The following PARP8 variants were observed in gnomAD, a reference collection of about 807,000 sequenced individuals.
The protein encoded by PARP8 is poly(ADP-ribose) polymerase family member 8.
PARP8 carries 51 observed loss-of-function variants against 124.1 expected under a neutral mutation model. That is an observed-to-expected ratio of 0.41 (90% CI 0.33 to 0.52). The LOEUF (loss-of-function observed/expected upper bound fraction) is 0.52. Among genes scored for constraint, PARP8 ranks in the 20% least tolerant of loss-of-function variants. PARP8 has a pLI of 0.21. For synonymous variants in PARP8, 391 were observed against 361.5 expected, an observed-to-expected ratio of 1.08 and a Z score of -0.93; for missense variants, 860 against 1,018.9, an observed-to-expected ratio of 0.84 and a Z score of 2.12.
chr5:50,757,601 A>G (rs1381855959), intron 3 of PARP8, among the ~76,000 whole-genome samples: 10 of 152,296 alleles, frequency 6.6e-5, no homozygotes, highest in Admixed American at 2.6e-4. Context: ...CAAACTATAC[A>G]AAATCTTTCA....
At chr5:50,778,732 C>T (rs532322690) in intron 9 of PARP8, 82 bp downstream of exon 9, 1 of 793,238 alleles carries the variant, frequency 1.3e-6, no homozygotes, top group Non-Finnish European at 1.9e-6. Context: ...GTTCATTTGT[C>T]AGTTCTGAGC....
intron 2 of PARP8, among the ~76,000 whole-genome samples, chr5:50,703,473 AG>A (rs1430941126): frequency 6.6e-6 from 1 of 152,046 alleles, no homozygotes; most frequent in Non-Finnish European, 1.5e-5. Context: ...AGGTCTCCTT[AG>A]GGGGGTTTGA....
chr5:50,757,597 A>G (rs1760105195), intron 3 of PARP8, among the ~76,000 whole-genome samples: 1 of 152,170 alleles, frequency 6.6e-6, no homozygotes, highest in Admixed American at 6.6e-5. Flanking sequence ...AATACAAACT[A>G]TACAAAATCT....
intron 14 of PARP8, among the ~76,000 whole-genome samples, chr5:50,814,272 T>G (rs1247908796): frequency 3.3e-5 from 5 of 152,000 alleles, no homozygotes; most frequent in East Asian, 1.9e-4. Context: ...GTAAAGCATA[T>G]AAACATATAG....
At chr5:50,796,948 A>C (rs906417066) in intron 12 of PARP8, 34 bp from the exon 13 acceptor site, 3 of 1,571,968 alleles carry the variant, frequency 1.9e-6, no homozygotes, top group Admixed American at 1.8e-5. Context: ...ACATTTAAAA[A>C]AATTATCATT....
At chr5:50,832,919 A>C in intron 23 of PARP8, 65 bp downstream of exon 23, 9 of 1,452,518 alleles carry the variant, frequency 6.2e-6, no homozygotes, top group Admixed American at 1.8e-5. Context: ...CCAGCAGAGC[A>C]TGGAAAAATA....
At chr5:50,667,824 T>G (rs6869356) in intron 1 of PARP8, 1,054,975 of 1,179,228 alleles carry the variant, frequency 0.89, 472,654 homozygotes, top group East Asian at 1. Flanking sequence ...CGGCCTCCCC[T>G]ATCGGGAAAT....
intron 25 of PARP8, 102 bp downstream of exon 25, chr5:50,835,117 G>T: frequency 1.2e-6 from 1 of 850,828 alleles, no homozygotes; most frequent in South Asian, 1.6e-5. Context: ...AAATATAACA[G>T]GTAATTGAGT....
At chr5:50,750,819 A>G (rs1044688368) in intron 3 of PARP8, among the ~76,000 whole-genome samples, 7 of 152,184 alleles carry the variant, frequency 4.6e-5, no homozygotes, top group Admixed American at 4.6e-4. Context: ...ACAGTTATAC[A>G]ATGAAGTTAT....
chr5:50,744,269 A>G (rs1758324016), intron 2 of PARP8, among the ~76,000 whole-genome samples: 3 of 152,222 alleles, frequency 2.0e-5, no homozygotes, highest in East Asian at 3.8e-4. Flanking sequence ...ACCAGACTCT[A>G]TCTGTTCTTA....
chr5:50,793,016 G>A (rs3806887), intron 10 of PARP8, among the ~76,000 whole-genome samples: 31,118 of 151,924 alleles, frequency 0.2, 3,366 homozygotes, highest in South Asian at 0.34. Context: ...ACCCATATTT[G>A]ATAATATACG....
chr5:50,777,553 A>G (rs1455910373), intron 7 of PARP8, among the ~76,000 whole-genome samples: 1 of 150,930 alleles, frequency 6.6e-6, no homozygotes, highest in African/African-American at 2.4e-5. Flanking sequence ...TTTTTTTTTA[A>G]TATCAGACTT....
rs947886827 is a variant in PARP8 at position 50,843,601 on chromosome 5, A to T, written c.*1533A>T. On this transcript the variant is annotated 3_prime_UTR_variant, in exon 26 of 26. Transcript: ENST00000281631. ...AGTGGTTGGGATATTAATCATTTTG[A>T]TAGTATCTACTTAAAGCATTGATCT... The T allele has an allele frequency of 1.3e-5, 2 of 151,746 alleles. No homozygotes were observed. The highest frequency in any genetic ancestry group is 4.8e-5 in the African/African-American group (2 of 41,378). The allele number at this position is 151,746 out of a possible 1,614,324, so 9.4% of individuals were successfully genotyped here.
intron 2 of PARP8, among the ~76,000 whole-genome samples, chr5:50,693,065 G>T (rs1752664188): frequency 6.6e-6 from 1 of 152,126 alleles, no homozygotes; most frequent in African/African-American, 2.4e-5. Flanking sequence ...TTCTTAAAAT[G>T]ATTACCAAAC....
At chr5:50,700,626 G>C (rs1334232235) in intron 2 of PARP8, among the ~76,000 whole-genome samples, 1 of 152,120 alleles carries the variant, frequency 6.6e-6, no homozygotes, top group African/African-American at 2.4e-5. Flanking sequence ...ACTAAACAAT[G>C]CTTTAAGGCA....
chr5:50,690,874 T>C (rs763426579), intron 2 of PARP8, among the ~76,000 whole-genome samples: 1 of 152,224 alleles, frequency 6.6e-6, no homozygotes, highest in Non-Finnish European at 1.5e-5. Context: ...CTATTATCCA[T>C]AGTAGTTCTC....
In PARP8 at chr5:50,837,426, TAGA is replaced by T. The variant is rs1166337721; in HGVS notation, c.2462+2419_2462+2421del. Among the ~76,000 whole-genome samples the T allele has an allele frequency of 2.0e-5, 3 of 152,150 alleles. No homozygotes were observed. In the East Asian group the frequency reaches 5.8e-4, roughly 29 times the overall value. On this transcript the variant is annotated intron_variant, in intron 25 of 25. Coordinates refer to ENST00000281631, the MANE Select transcript of PARP8 (RefSeq NM_024615.4). ...AGCCACCCTAATGTGTGGTAACACC[TAGA>T]AGAAGAATAAATCGATGAGAATGAA... is the stretch of plus-strand genomic sequence containing the variant.
In PARP8 at chr5:50,691,062, A is replaced by G. The variant is rs535898448; in HGVS notation, c.146+22937A>G. Among the ~76,000 whole-genome samples, 15 of 152,236 alleles carry G rather than the reference A, an allele frequency of 9.9e-5. No individual in the cohort carries two copies. In the South Asian group the frequency reaches 2.1e-3, roughly 21 times the overall value. ...CATCATCGTTTCTTCCTCTATTCAAATCTCACTGGAAAGGAGGCTCTGGCT... is the reference window on the plus strand; with the variant it reads ...CATCATCGTTTCTTCCTCTATTCAAGTCTCACTGGAAAGGAGGCTCTGGCT... On this transcript the variant is annotated intron_variant, in intron 2 of 25. Coordinates refer to ENST00000281631, the MANE Select transcript of PARP8 (RefSeq NM_024615.4).
chr5:50,815,724 C>T (rs1745027465), intron 15 of PARP8, among the ~76,000 whole-genome samples, 200 bp downstream of exon 15: 1 of 151,912 alleles, frequency 6.6e-6, no homozygotes, highest in African/African-American at 2.4e-5. Context: ...TTTGTGATTG[C>T]CAAGGAGAGA....
Sources: gnomAD v4.1 joint callset for allele counts (sites outside exome capture counted in the v4.1 genomes callset) on GRCh38, gnomAD v4.1.1 for gene constraint, MANE v1.5 for transcripts, NCBI Gene and HGNC (gene_info 2026-07-23, HGNC 2026-07-21) for gene names.